The following WAC variants were observed in gnomAD, a reference collection of about 807,000 sequenced individuals.
WAC encodes the protein WW domain-containing adapter protein with coiled-coil.
Under a neutral mutation model 79.6 loss-of-function variants are expected in WAC, and 11 were observed. The observed-to-expected ratio is 0.14, with a 90% CI of 0.09 to 0.23. The LOEUF (loss-of-function observed/expected upper bound fraction) is 0.23, where lower values mean the gene tolerates loss of function less well. Among genes scored for constraint, WAC ranks in the 10% least tolerant of loss-of-function variants. The probability of loss-of-function intolerance (pLI) is 1.00; values close to 1 mark genes in which losing one functional copy is unlikely to be tolerated. For missense variants in WAC, 728 were observed against 773.5 expected, an observed-to-expected ratio of 0.94 and a Z score of 0.70; for synonymous variants, 304 against 276.9, an observed-to-expected ratio of 1.10 and a Z score of -0.97.
chr10:28,551,820 T>TGTGTGTG (rs1564380042), intron 3 of WAC, among the ~76,000 whole-genome samples: 4 of 53,734 alleles, frequency 7.4e-5, no homozygotes, highest in East Asian at 6.9e-4. Context: ...GTGTGTGTGT[T>TGTGTGTG]TCTTTTTTTT....
intron 3 of WAC, among the ~76,000 whole-genome samples, chr10:28,583,137 G>T (rs1839626019): frequency 6.6e-6 from 1 of 152,074 alleles, no homozygotes; most frequent in South Asian, 2.1e-4. Context: ...ATAAGGTTTT[G>T]TTTCTCTCAA....
intron 3 of WAC, among the ~76,000 whole-genome samples, chr10:28,548,741 C>T (rs890329793): frequency 2.6e-5 from 4 of 152,042 alleles, no homozygotes; most frequent in African/African-American, 4.8e-5. Context: ...TTTGGGAATA[C>T]GAGACTAGGT....
chr10:28,573,928 T>C (rs1839110020), intron 3 of WAC, among the ~76,000 whole-genome samples: 2 of 152,094 alleles, frequency 1.3e-5, no homozygotes, highest in Non-Finnish European at 2.9e-5. Flanking sequence ...GTTTGTCTAT[T>C]CTTAATGTTT....
At chr10:28,553,742 A>G (rs1252022447) in intron 3 of WAC, among the ~76,000 whole-genome samples, 1 of 152,220 alleles carries the variant, frequency 6.6e-6, no homozygotes, top group East Asian at 1.9e-4. Flanking sequence ...AACCACAGAT[A>G]GAAAATATTT....
intron 3 of WAC, 98 bp from the exon 4 acceptor site, chr10:28,583,301 T>G: frequency 1.2e-6 from 1 of 851,534 alleles, no homozygotes. Flanking sequence ...GATGTTCGTT[T>G]AGAGATATAA....
At chr10:28,546,091 ATAGTGT>A (rs2132386800) in intron 3 of WAC, among the ~76,000 whole-genome samples, 2 of 152,320 alleles carry the variant, frequency 1.3e-5, no homozygotes, top group South Asian at 4.1e-4. Flanking sequence ...ATATATTTAG[ATAGTGT>A]TAGTCTTTCT....
intron 6 of WAC, among the ~76,000 whole-genome samples, chr10:28,593,731 A>T (rs370304801): frequency 1.4e-4 from 3 of 21,984 alleles, no homozygotes; most frequent in Non-Finnish European, 2.3e-4. Flanking sequence ...AGACTCTCTC[A>T]AAAAAAAAAA....
intron 9 of WAC, 91 bp downstream of exon 9, chr10:28,610,912 ATT>A: frequency 7.1e-6 from 8 of 1,118,996 alleles, no homozygotes; most frequent in Non-Finnish European, 9.4e-6. Flanking sequence ...TTTTTCTTTC[ATT>A]TTTTTTTTTA....
chr10:28,587,290 T>C (rs1290971965), intron 4 of WAC, among the ~76,000 whole-genome samples: 1 of 152,240 alleles, frequency 6.6e-6, no homozygotes, highest in African/African-American at 2.4e-5. Flanking sequence ...TTTGACTTAA[T>C]AGAAAAAGAC....
chr10:28,573,069 T>C (rs1839060726), intron 3 of WAC, among the ~76,000 whole-genome samples: 1 of 152,130 alleles, frequency 6.6e-6, no homozygotes, highest in Admixed American at 6.5e-5. Context: ...GGAGTGGCTC[T>C]TAACATGGTT....
At chr10:28,534,327 T>G (rs374695423) in intron 2 of WAC, 6 of 372,860 alleles carry the variant, frequency 1.6e-5, no homozygotes, top group African/African-American at 1.0e-4. Flanking sequence ...AGTGAAGGAA[T>G]CGATGGGATG....
chr10:28,553,263 A>AT (rs1564381127), intron 3 of WAC, among the ~76,000 whole-genome samples: 5 of 151,858 alleles, frequency 3.3e-5, no homozygotes, highest in African/African-American at 1.2e-4. Context: ...TTGTTTACAA[A>AT]TTTTGTTTAT....
chr10:28,547,337 C>A (rs1837407594), intron 3 of WAC, among the ~76,000 whole-genome samples: 1 of 152,128 alleles, frequency 6.6e-6, no homozygotes, highest in Non-Finnish European at 1.5e-5. Flanking sequence ...GAGTTAGAGA[C>A]CAGCCTGGCC....
At chr10:28,576,628 G>A (rs930865492) in intron 3 of WAC, among the ~76,000 whole-genome samples, 13 of 152,180 alleles carry the variant, frequency 8.5e-5, no homozygotes, top group African/African-American at 3.1e-4. Context: ...AATTTAGCAT[G>A]CTGTGCTAAG....
intron 3 of WAC, among the ~76,000 whole-genome samples, chr10:28,547,058 A>T (rs948633893): frequency 6.6e-6 from 1 of 152,224 alleles, no homozygotes; most frequent in East Asian, 1.9e-4. Context: ...TGTTGGGTAC[A>T]AAGATCTCTG....
rs1554775613 is a variant in WAC, at chr10:28,533,205, A to AGGCGGCGGCAGCAGC, written c.-365_-351dup. On this transcript the variant is annotated 5_prime_UTR_variant, in exon 1 of 14. Coordinates refer to ENST00000354911, the MANE Select transcript of WAC (RefSeq NM_016628.5). The stretch of plus-strand genomic sequence containing the variant: ...GAGGAGGAGGAGGAGAAGAAGGACC[A>AGGCGGCGGCAGCAGC]GGCGGCGGCAGCAGCGGCGGCGGCG... 4.8e-5 allele frequency: 8 copies of AGGCGGCGGCAGCAGC among 166,846 alleles called. No individual in the cohort carries two copies. The highest frequency in any genetic ancestry group is 2.0e-4 in the Admixed American group (3 of 15,348). The allele number at this position is 166,846 out of a possible 1,614,324, so 10.3% of individuals were successfully genotyped here.
chr10:28,561,248 C>A (rs1838285821), intron 3 of WAC, among the ~76,000 whole-genome samples: 1 of 152,142 alleles, frequency 6.6e-6, no homozygotes, highest in African/African-American at 2.4e-5. Flanking sequence ...AACAGTAATA[C>A]AAGGTGATGA....
intron 3 of WAC, among the ~76,000 whole-genome samples, chr10:28,566,342 T>C (rs1345562773): frequency 1.3e-5 from 2 of 152,210 alleles, no homozygotes; most frequent in Non-Finnish European, 2.9e-5. Flanking sequence ...GTGTGAGGAA[T>C]ATATTTTGAG....
chr10:28,569,941 G>C (rs906311846), intron 3 of WAC, among the ~76,000 whole-genome samples: 7 of 152,126 alleles, frequency 4.6e-5, no homozygotes, highest in Non-Finnish European at 8.8e-5. Context: ...GTCCAATATT[G>C]GGTTATCAAT....
Sources: gnomAD v4.1 joint callset for allele counts (sites outside exome capture counted in the v4.1 genomes callset) on GRCh38, gnomAD v4.1.1 for gene constraint, MANE v1.5 for transcripts, NCBI Gene and HGNC (gene_info 2026-07-23, HGNC 2026-07-21) for gene names.